TBCK: variants seen among roughly 807,000 people sequenced by gnomAD.
The protein encoded by TBCK is TBC domain-containing protein kinase-like protein.
TBCK carries 99 observed loss-of-function variants against 113.4 expected under a neutral mutation model. That is an observed-to-expected ratio of 0.87 (90% CI 0.74 to 1.03). The LOEUF (loss-of-function observed/expected upper bound fraction) is 1.03, where lower values mean the gene tolerates loss of function less well. TBCK is among the 50% of genes least tolerant of loss of function. TBCK has a pLI of 0.00. For synonymous variants in TBCK, 369 were observed against 370.8 expected (o/e 1.00, Z 0.05); for missense variants, 1,045 against 1,061.3 (o/e 0.98, Z 0.21).
At chr4:106,202,621 T>C (rs1334903780) in intron 20 of TBCK, among the ~76,000 whole-genome samples, 1 of 152,068 alleles carries the variant, frequency 6.6e-6, no homozygotes. Flanking sequence ...ACTGGACTAA[T>C]CAGAAGATGA....
rs368769803 is a variant in TBCK at position 106,055,015 on chromosome 4, T to C, written c.2572-8335A>G. ...TAACTATAGAAATAATAAATGCTTG[T>C]GACATATGTTACTATATGTAACATA... On this transcript the variant is annotated intron_variant, in intron 25 of 25. Transcript: ENST00000394708. 2.2e-3 allele frequency among the ~76,000 whole-genome samples: 334 copies of C among 151,844 alleles called. 2 individuals are homozygous for C. Among genetic ancestry groups the C allele is most frequent in the African/African-American group, 7.1e-3 (293 of 41,500 alleles).
intron 19 of TBCK, among the ~76,000 whole-genome samples, chr4:106,230,008 C>A (rs1474193683): frequency 6.6e-6 from 1 of 151,888 alleles, no homozygotes; most frequent in Non-Finnish European, 1.5e-5. Flanking sequence ...ACTCTGCTTA[C>A]ACAATTAAAC....
Position 106,262,124 on chromosome 4 carries a change from G to T in TBCK, c.355C>A (p.Pro119Thr), listed in dbSNP as rs569749175. ...KHGIVHRALS[P>T]HNILLDRKGH... The stretch of plus-strand genomic sequence containing the variant: ...TTTCGGTCCAACAGGATATTATGAG[G>T]AGACAATGCCCTGTGTACTATACCA... The change falls in exon 4 of 26, where the codon CCT becomes ACT. Residue 119 changes from proline to threonine, a missense_variant. By Grantham distance (38) the Pro-to-Thr change is conservative (BLOSUM62 -1). Transcript: ENST00000394708. 6.5e-7 allele frequency: 1 copy of T among 1,539,404 alleles called. No individual in the cohort carries two copies. The highest frequency in any genetic ancestry group is 1.2e-5 in the South Asian group (1 of 82,168).
intron 24 of TBCK, among the ~76,000 whole-genome samples, chr4:106,104,592 A>C (rs1021722137): frequency 7.1e-6 from 1 of 140,740 alleles, no homozygotes; most frequent in African/African-American, 2.7e-5. Context: ...AGCTGACTCA[A>C]GGCAGAAGGA....
intron 13 of TBCK, 72 bp downstream of exon 13, chr4:106,236,687 T>A: frequency 9.6e-7 from 1 of 1,042,172 alleles, no homozygotes; most frequent in Non-Finnish European, 1.3e-6. Flanking sequence ...TCAAAGAAAA[T>A]GTATAAAATT....
chr4:106,114,978 C>G (rs1305522753), intron 24 of TBCK, among the ~76,000 whole-genome samples: 1 of 152,096 alleles, frequency 6.6e-6, no homozygotes, highest in African/African-American at 2.4e-5. Flanking sequence ...CATTTATACT[C>G]TCTCCAAACT....
At chr4:106,203,634 A>T (rs1755126014) in intron 20 of TBCK, among the ~76,000 whole-genome samples, 1 of 151,948 alleles carries the variant, frequency 6.6e-6, no homozygotes, top group African/African-American at 2.4e-5. Context: ...TGAACAAAAG[A>T]ACTATACACT....
intron 22 of TBCK, among the ~76,000 whole-genome samples, chr4:106,192,702 C>T (rs1753790813): frequency 1.3e-5 from 2 of 151,966 alleles, no homozygotes; most frequent in African/African-American, 4.8e-5. Context: ...ATCCATTAAA[C>T]ATAAAAATGA....
intron 22 of TBCK, among the ~76,000 whole-genome samples, chr4:106,187,252 TA>T (rs142307859): frequency 0.014 from 2,074 of 152,214 alleles, 52 homozygotes; most frequent in African/African-American, 0.047. Context: ...AATTTTAGAA[TA>T]TTTTTTTCTA....
In TBCK at chr4:106,308,712, T is replaced by C. The variant is rs578258693; in HGVS notation, c.193+56A>G. The C allele has an allele frequency of 5.3e-5, 79 of 1,478,692 alleles. No homozygotes were observed. In the African/African-American group the frequency reaches 9.0e-4, roughly 17 times the overall value. 91.6% of individuals were successfully genotyped at this position (1,478,692 alleles called of 1,614,324 possible). On this transcript the variant is annotated intron_variant, in intron 2 of 25. Transcript: ENST00000394708. ...ATATATTTAGTGGATATAGTATTTA[T>C]AACTTAGGGTAACAAAGTAGAGAAC...
chr4:106,175,132 CAA>C (rs754840841), intron 22 of TBCK, among the ~76,000 whole-genome samples: 13 of 90,706 alleles, frequency 1.4e-4, no homozygotes, highest in Non-Finnish European at 1.2e-4. Context: ...AAGACTCTCT[CAA>C]AAAAAAAAAA....
At chr4:106,059,061 C>A (rs775435268) in intron 25 of TBCK, among the ~76,000 whole-genome samples, 1 of 151,680 alleles carries the variant, frequency 6.6e-6, no homozygotes. Flanking sequence ...AATAAACAGG[C>A]TGGGTGGTTT....
intron 18 of TBCK, 103 bp from the exon 19 acceptor site, chr4:106,230,549 A>G (rs932262403): frequency 3.8e-6 from 2 of 526,860 alleles, no homozygotes; most frequent in Non-Finnish European, 6.4e-6. Flanking sequence ...CTACTATTAA[A>G]TAACAGTTAT....
chr4:106,051,931 G>A (rs1363710773), intron 25 of TBCK, among the ~76,000 whole-genome samples: 4 of 151,780 alleles, frequency 2.6e-5, no homozygotes, highest in Non-Finnish European at 5.9e-5. Context: ...TAGGAAAGAG[G>A]TGGGAATGAT....
intron 19 of TBCK, among the ~76,000 whole-genome samples, chr4:106,222,710 A>T (rs947457412): frequency 6.6e-6 from 1 of 152,142 alleles, no homozygotes; most frequent in African/African-American, 2.4e-5. Flanking sequence ...CCCAAACCAA[A>T]CCATTTGGTG....
At position 106,095,631 on chromosome 4, in the gene TBCK, C is replaced by T; in HGVS notation, c.2422G>A (p.Gly808Ser). Residue 808 changes from glycine to serine, a missense_variant, in exon 25 of 26, where the codon GGT becomes AGT. By Grantham distance (56) the Gly-to-Ser change is moderately conservative. Coordinates refer to ENST00000394708, the MANE Select transcript of TBCK (RefSeq NM_001163435.3). ...DIRNSEDFIRGHISGSINIPF... is the reference protein window; with the variant it reads ...DIRNSEDFIRSHISGSINIPF... ...ATGTTGATGCTTCCTGAAATGTGACCACGAATAAAGCTGAGAAGGAAAGTT... is the reference window on the plus strand; with the variant it reads ...ATGTTGATGCTTCCTGAAATGTGACTACGAATAAAGCTGAGAAGGAAAGTT... 2 of 1,612,448 alleles carry T rather than the reference C, an allele frequency of 1.2e-6. No homozygotes were observed. Among genetic ancestry groups the T allele is most frequent in the South Asian group, 2.2e-5 (2 of 90,682 alleles).
intron 1 of TBCK, among the ~76,000 whole-genome samples, chr4:106,309,224 T>G (rs926792398): frequency 6.6e-6 from 1 of 151,856 alleles, no homozygotes; most frequent in African/African-American, 2.4e-5. Context: ...AAAAGATTAT[T>G]CCATTCTCAA....
At chr4:106,258,290 A>G (rs1762193947) in intron 5 of TBCK, among the ~76,000 whole-genome samples, 1 of 152,064 alleles carries the variant, frequency 6.6e-6, no homozygotes, top group South Asian at 2.1e-4. Flanking sequence ...CTACTGGCCA[A>G]CTGAAATGAA....
chr4:106,193,289 C>T (rs1213786436), intron 22 of TBCK, among the ~76,000 whole-genome samples: 1 of 152,132 alleles, frequency 6.6e-6, no homozygotes, highest in African/African-American at 2.4e-5. Flanking sequence ...CTATACTTTC[C>T]ATCACTGAAG....
Sources: gnomAD v4.1 joint callset for allele counts (sites outside exome capture counted in the v4.1 genomes callset) on GRCh38, gnomAD v4.1.1 for gene constraint, MANE v1.5 for transcripts, NCBI Gene and HGNC (gene_info 2026-07-23, HGNC 2026-07-21) for gene names.